The following LANCL2 variants were observed in gnomAD, a reference collection of about 807,000 sequenced individuals.
LANCL2 encodes the protein LanC like glutathione S-transferase 2, also known as lanC-like protein 2.
Under a neutral mutation model 56.9 loss-of-function variants are expected in LANCL2, and 33 were observed. The observed-to-expected ratio is 0.58, with a 90% CI of 0.44 to 0.78. The LOEUF (loss-of-function observed/expected upper bound fraction) is 0.78, where lower values mean the gene tolerates loss of function less well. Among genes scored for constraint, LANCL2 ranks in the 30% least tolerant of loss-of-function variants. The probability of loss-of-function intolerance (pLI) is 0.00; values close to 1 mark genes in which losing one functional copy is unlikely to be tolerated. For synonymous variants in LANCL2, 233 were observed against 228.2 expected, an observed-to-expected ratio of 1.02 and a Z score of -0.19; for missense variants, 562 against 580.2, an observed-to-expected ratio of 0.97 and a Z score of 0.32.
At chr7:55,369,903 G>A (rs568932600) in intron 1 of LANCL2, among the ~76,000 whole-genome samples, 13 of 152,306 alleles carry the variant, frequency 8.5e-5, no homozygotes, top group African/African-American at 2.9e-4. Context: ...GGGCTGAGAG[G>A]GCACTCGAGT....
chr7:55,425,364 C>T lies in LANCL2; in HGVS notation c.1119C>T (p.Asn373=), dbSNP rs540998427. 1.2e-4 allele frequency: 193 copies of T among 1,614,174 alleles called. No homozygotes were observed. Among genetic ancestry groups the T allele is most frequent in the East Asian group, 5.1e-4 (23 of 44,884 alleles). The part of the protein sequence containing the change: ...GYGICHGTAG[N]GYSFLSLYRL... ...GGATATGCCATGGGACTGCTGGCAA[C>T]GGCTATTCCTTCCTGTCCCTTTACC... Residue 373 remains asparagine, a synonymous_variant, in exon 7 of 9, where the codon AAC becomes AAT. Transcript: ENST00000254770.
At position 55,385,628 on chromosome 7, in the gene LANCL2, A is replaced by G. The variant is rs561488035; in HGVS notation, c.205-6165A>G. ...CAGACATCAAGTACTTAACAAGGTA[A>G]TAGAATATCACAAGGCAAGTGGAGG... On this transcript the variant is annotated intron_variant, in intron 1 of 8. Transcript: ENST00000254770. Among the ~76,000 whole-genome samples the G allele has an allele frequency of 4.2e-4, 64 of 152,302 alleles. 1 individual carries two copies. The East Asian group carries it at 0.012, about 28-fold the overall frequency.
At chr7:55,420,967 CTCTT>C (rs1201030048) in intron 6 of LANCL2, among the ~76,000 whole-genome samples, 2 of 152,158 alleles carry the variant, frequency 1.3e-5, no homozygotes, top group African/African-American at 4.8e-5. Context: ...AATGAATTGA[CTCTT>C]TTATCATCAT....
At chr7:55,415,042 A>G (rs1031182134) in intron 6 of LANCL2, among the ~76,000 whole-genome samples, 10 of 151,704 alleles carry the variant, frequency 6.6e-5, no homozygotes, top group East Asian at 1.9e-4. Context: ...AATATTCTAC[A>G]TTGTATTAGG....
intron 6 of LANCL2, among the ~76,000 whole-genome samples, chr7:55,418,077 G>A (rs537216055): frequency 1.3e-5 from 2 of 151,854 alleles, no homozygotes; most frequent in Non-Finnish European, 1.5e-5. Flanking sequence ...GTGCTTTATA[G>A]TTTTTGCTCT....
intron 2 of LANCL2, among the ~76,000 whole-genome samples, chr7:55,392,119 C>G (rs1790198179): frequency 6.6e-6 from 1 of 151,972 alleles, no homozygotes. Context: ...ATGGTGAAAC[C>G]CCGTTTCTAC....
intron 5 of LANCL2, among the ~76,000 whole-genome samples, chr7:55,411,008 G>A (rs1182628851): frequency 6.6e-6 from 1 of 152,076 alleles, no homozygotes; most frequent in East Asian, 1.9e-4. Context: ...AAGGCATTGT[G>A]TGGCATTAAC....
At chr7:55,413,682 G>T (rs1790495499) in intron 6 of LANCL2, among the ~76,000 whole-genome samples, 1 of 152,226 alleles carries the variant, frequency 6.6e-6, no homozygotes, top group Admixed American at 6.5e-5. Flanking sequence ...GCTCCTCCTG[G>T]CAGGGCTTCT....
At position 55,431,360 on chromosome 7, in the gene LANCL2, A is replaced by G; in HGVS notation, c.*40A>G. ...CAACTAAAATACCCATTTGGACCAA[A>G]AGCCACCAGATTGCTTAGTGCCTGA... On this transcript the variant is annotated 3_prime_UTR_variant, in exon 9 of 9. Coordinates refer to ENST00000254770, the MANE Select transcript of LANCL2 (RefSeq NM_018697.4). 6.8e-7 allele frequency: 1 copy of G among 1,475,020 alleles called. No individual in the cohort carries two copies. The allele number at this position is 1,475,020 out of a possible 1,614,324, so 91.4% of individuals were successfully genotyped here. A position where few individuals can be genotyped will look rare whatever the true frequency, so the allele number is the denominator to read the frequency against.
chr7:55,386,037 A>G (rs1429837002), intron 1 of LANCL2, among the ~76,000 whole-genome samples: 1 of 152,182 alleles, frequency 6.6e-6, no homozygotes, highest in Admixed American at 6.5e-5. Flanking sequence ...TGGCGGTCAG[A>G]GTTTAAGGTT....
chr7:55,400,230 G>A, intron 4 of LANCL2, 126 bp downstream of exon 4: 1 of 727,954 alleles, frequency 1.4e-6, no homozygotes, highest in Non-Finnish European at 2.0e-6. Context: ...CTCATCAAAA[G>A]TAAGAAATAG....
intron 5 of LANCL2, among the ~76,000 whole-genome samples, chr7:55,408,395 A>T (rs977174231): frequency 6.6e-6 from 1 of 152,078 alleles, no homozygotes; most frequent in Non-Finnish European, 1.5e-5. Flanking sequence ...GGCTGGGCGC[A>T]GTGGCTCATG....
At chr7:55,418,670 A>G (rs1170371794) in intron 6 of LANCL2, among the ~76,000 whole-genome samples, 2 of 152,208 alleles carry the variant, frequency 1.3e-5, no homozygotes, top group African/African-American at 2.4e-5. Flanking sequence ...GCTATAGTAT[A>G]ATATTGAATA....
rs368278511 is a variant in LANCL2 at position 55,370,498 on chromosome 7, T to C, written c.204+4269T>C. ...TCAGAGAGGTCATTGCCATACCTCA[T>C]TGGTTGGGAGAGAAATTGCTGTGAT... On this transcript the variant is annotated intron_variant, in intron 1 of 8. Transcript: ENST00000254770. 4.6e-5 allele frequency among the ~76,000 whole-genome samples: 7 copies of C among 152,242 alleles called. No individual in the cohort carries two copies. The East Asian group carries it at 1.2e-3, about 25-fold the overall frequency.
intron 1 of LANCL2, among the ~76,000 whole-genome samples, chr7:55,367,226 T>G (rs1382662976): frequency 1.3e-5 from 2 of 152,230 alleles, no homozygotes; most frequent in Admixed American, 1.3e-4. Flanking sequence ...GCACAACTGT[T>G]TTCATGCTTG....
chr7:55,382,920 T>G (rs1790085332), intron 1 of LANCL2, among the ~76,000 whole-genome samples: 1 of 152,170 alleles, frequency 6.6e-6, no homozygotes. Flanking sequence ...GGAGTTTGTT[T>G]TGGGAAAGGG....
At position 55,398,612 on chromosome 7, in the gene LANCL2, C is replaced by T; in HGVS notation, c.512C>T (p.Ser171Phe). Residue 171 changes from serine to phenylalanine, a missense_variant, in exon 3 of 9, where the codon TCC becomes TTC. Physicochemically the swap from Ser to Phe is radical, Grantham distance 155. This residue lies in a region of LANCL2 where 378 missense variants were observed against 468.4 expected (regional missense o/e 0.81). Coordinates refer to ENST00000254770, the MANE Select transcript of LANCL2 (RefSeq NM_018697.4). ...IYHKLRSDCE[S>F]QECVTKLLQL... The stretch of plus-strand genomic sequence containing the variant: ...CACAAACTCAGAAGTGACTGTGAGT[C>T]CCAGGAATGTGTCACAAAGTGAGTT... The T allele has an allele frequency of 6.2e-7, 1 of 1,612,896 alleles. No individual in the cohort carries two copies. Among genetic ancestry groups the T allele is most frequent in the Middle Eastern group, 1.8e-4 (1 of 5,598 alleles).
rs775952883 is a variant in LANCL2, at chr7:55,411,880, TTG to T, written c.826-23_826-22del. ...AAGAAATAACTTCAGAGAAAATAAT[TTG>T]TGTTTCATTTTTGTTTGTTTAAAGC... On this transcript the variant is annotated intron_variant, in intron 5 of 8. Transcript: ENST00000254770. 25 of 1,587,704 alleles carry T rather than the reference TTG, an allele frequency of 1.6e-5. No homozygotes were observed. The African/African-American group carries it at 3.2e-4, about 21-fold the overall frequency.
At chr7:55,417,140 T>C (rs887720852) in intron 6 of LANCL2, among the ~76,000 whole-genome samples, 3 of 151,952 alleles carry the variant, frequency 2.0e-5, no homozygotes, top group Non-Finnish European at 2.9e-5. Context: ...TCACCACGCC[T>C]GGCTAATTTT....
Sources: gnomAD v4.1 joint callset for allele counts (sites outside exome capture counted in the v4.1 genomes callset) on GRCh38, gnomAD v4.1.1 for gene constraint, gnomAD v4.1.1 regional missense constraint, MANE v1.5 for transcripts, NCBI Gene and HGNC (gene_info 2026-07-23, HGNC 2026-07-21) for gene names.